Variants in NCKAP5 observed in about 807,000 individuals in gnomAD.
The protein encoded by NCKAP5 is nck-associated protein 5.
NCKAP5 carries 92 observed loss-of-function variants against 167.0 expected under a neutral mutation model. The ratio of observed to expected loss-of-function variants is 0.55; its 90% CI spans 0.47 to 0.66. The LOEUF (loss-of-function observed/expected upper bound fraction) is 0.66, where lower values mean the gene tolerates loss of function less well. Ranked by LOEUF, NCKAP5 falls within the 30% of genes least tolerant of loss-of-function variation. The pLI is 0.00. For missense variants in NCKAP5, 2,378 were observed against 2,315.0 expected (o/e 1.03, Z -0.56); for synonymous variants, 891 against 877.4 (o/e 1.02, Z -0.27).
intron 7 of NCKAP5, among the ~76,000 whole-genome samples, chr2:132,972,650 A>G (rs1043983934): frequency 2.0e-5 from 3 of 152,056 alleles, no homozygotes; most frequent in African/African-American, 7.3e-5. Flanking sequence ...TCATGAGGTC[A>G]AGAGATCGAG....
intron 5 of NCKAP5, among the ~76,000 whole-genome samples, chr2:133,134,487 A>C (rs2082717106): frequency 6.6e-6 from 1 of 152,240 alleles, no homozygotes. Flanking sequence ...AGTAATTTTC[A>C]GTAACACACA....
At chr2:132,785,791 C>T in intron 13 of NCKAP5, 73 bp from the exon 14 acceptor site, 1 of 1,240,990 alleles carries the variant, frequency 8.1e-7, no homozygotes, top group Non-Finnish European at 1.1e-6. Context: ...AAAAGTACAT[C>T]ATGGGACTTA....
At chr2:132,948,456 C>T (rs1021316792) in intron 8 of NCKAP5, among the ~76,000 whole-genome samples, 32 of 152,078 alleles carry the variant, frequency 2.1e-4, no homozygotes, top group Non-Finnish European at 5.9e-5. Context: ...CAGCCTGCAG[C>T]GAGCGAAGGG....
intron 3 of NCKAP5, among the ~76,000 whole-genome samples, chr2:133,390,719 G>A (rs1687340761): frequency 1.3e-5 from 2 of 152,120 alleles, no homozygotes; most frequent in African/African-American, 4.8e-5. Context: ...AGACGCCTAT[G>A]TAGAAGTGTG....
At chr2:133,213,375 A>G (rs2086289442) in intron 5 of NCKAP5, among the ~76,000 whole-genome samples, 1 of 152,132 alleles carries the variant, frequency 6.6e-6, no homozygotes, top group African/African-American at 2.4e-5. Flanking sequence ...TTTGTTTTTT[A>G]AGTTCAAAGA....
At chr2:133,006,285 A>G (rs1240695846) in intron 6 of NCKAP5, among the ~76,000 whole-genome samples, 1 of 152,060 alleles carries the variant, frequency 6.6e-6, no homozygotes, top group Admixed American at 6.6e-5. Flanking sequence ...AAACAGAAAC[A>G]AACAAACAAA....
chr2:133,502,614 T>C (rs1682625056), intron 3 of NCKAP5, among the ~76,000 whole-genome samples: 1 of 152,122 alleles, frequency 6.6e-6, no homozygotes, highest in South Asian at 2.1e-4. Flanking sequence ...TCATAAAAGG[T>C]CAAAGCAGAT....
intron 7 of NCKAP5, among the ~76,000 whole-genome samples, chr2:132,991,002 T>C (rs16844959): frequency 0.047 from 7,108 of 152,272 alleles, 501 homozygotes; most frequent in African/African-American, 0.15. Context: ...CAGGTTCAGA[T>C]CTCAGCATAG....
At chr2:133,421,891 A>T (rs986739724) in intron 3 of NCKAP5, among the ~76,000 whole-genome samples, 1 of 152,200 alleles carries the variant, frequency 6.6e-6, no homozygotes, top group Non-Finnish European at 1.5e-5. Context: ...TGATAGCTAG[A>T]GGGTGTGCCT....
chr2:132,736,897 G>T (rs1691578114), intron 16 of NCKAP5, among the ~76,000 whole-genome samples: 1 of 152,190 alleles, frequency 6.6e-6, no homozygotes, highest in South Asian at 2.1e-4. Flanking sequence ...GAAGTTCAAG[G>T]GTTGGGTTGT....
intron 11 of NCKAP5, among the ~76,000 whole-genome samples, chr2:132,808,169 T>TA (rs1250685394): frequency 6.6e-6 from 1 of 152,164 alleles, no homozygotes; most frequent in Admixed American, 6.5e-5. Flanking sequence ...AGTATTTTGT[T>TA]AAAAATTTTA....
At chr2:132,684,282 T>G (rs1367998408) in intron 19 of NCKAP5, among the ~76,000 whole-genome samples, 2 of 152,338 alleles carry the variant, frequency 1.3e-5, no homozygotes, top group East Asian at 3.9e-4. Context: ...GCAAAATCAA[T>G]AGTTAATTGT....
intron 5 of NCKAP5, among the ~76,000 whole-genome samples, chr2:133,179,714 A>G (rs6760763): frequency 0.5 from 76,201 of 152,016 alleles, 19,862 homozygotes; most frequent in East Asian, 0.81. Context: ...GCCAAAATAT[A>G]CAAGTCAATG....
Position 132,728,143 on chromosome 2 carries a change from G to A in NCKAP5, c.5580+673C>T, listed in dbSNP as rs138129894. Among the ~76,000 whole-genome samples the A allele has an allele frequency of 7.9e-4, 121 of 152,244 alleles. 5 individuals are homozygous for A. The East Asian group carries it at 0.022, about 28-fold the overall frequency. ...GCTGCAGTGGGCCACCCCAGGACGA[G>A]TGGTGAAATGGCAAATAGGCTGACC... On this transcript the variant is annotated intron_variant, in intron 18 of 19. Coordinates refer to ENST00000409261, the MANE Select transcript of NCKAP5 (RefSeq NM_207363.3).
At chr2:133,426,659 G>T (rs2151110068) in intron 3 of NCKAP5, among the ~76,000 whole-genome samples, 1 of 152,130 alleles carries the variant, frequency 6.6e-6, no homozygotes, top group South Asian at 2.1e-4. Context: ...TTTATCCCAG[G>T]GATGCAAAAA....
chr2:133,108,058 AGAT>A (rs2081775989), intron 6 of NCKAP5, among the ~76,000 whole-genome samples: 1 of 152,104 alleles, frequency 6.6e-6, no homozygotes, highest in South Asian at 2.1e-4. Context: ...GACTCTTTGG[AGAT>A]GATGATAAGC....
chr2:133,431,283 C>T (rs1690142205), intron 3 of NCKAP5, among the ~76,000 whole-genome samples: 2 of 152,150 alleles, frequency 1.3e-5, no homozygotes, highest in African/African-American at 2.4e-5. Flanking sequence ...CAGTCATACT[C>T]TCCATGTTTT....
chr2:132,935,695 G>C (rs1696789767), intron 8 of NCKAP5, among the ~76,000 whole-genome samples: 1 of 152,156 alleles, frequency 6.6e-6, no homozygotes, highest in Non-Finnish European at 1.5e-5. Flanking sequence ...AGTTGGAGCA[G>C]AGGAGGAGAA....
intron 19 of NCKAP5, among the ~76,000 whole-genome samples, chr2:132,719,192 G>T (rs1207436980): frequency 6.6e-6 from 1 of 152,210 alleles, no homozygotes; most frequent in African/African-American, 2.4e-5. Flanking sequence ...ATGAAAAAAA[G>T]TGAAGCTGGA....
Sources: gnomAD v4.1 joint callset for allele counts (sites outside exome capture counted in the v4.1 genomes callset) on GRCh38, gnomAD v4.1.1 for gene constraint, MANE v1.5 for transcripts, NCBI Gene and HGNC (gene_info 2026-07-23, HGNC 2026-07-21) for gene names.